Variants in SLC41A2 observed in about 807,000 individuals in gnomAD.
SLC41A2 encodes the protein solute carrier family 41 member 2.
In SLC41A2, 32 loss-of-function variants were observed where a neutral mutation model predicts 58.3. That is an observed-to-expected ratio of 0.55 (90% CI 0.41 to 0.74). SLC41A2 has a LOEUF of 0.74. SLC41A2 is among the 30% of genes least tolerant of loss of function. The pLI is 0.00. For missense variants in SLC41A2, 514 were observed against 680.6 expected (o/e 0.76, Z 2.72); for synonymous variants, 190 against 235.0 (o/e 0.81, Z 1.75).
intron 10 of SLC41A2, among the ~76,000 whole-genome samples, chr12:104,839,750 G>A (rs769031466): frequency 9.2e-5 from 14 of 152,096 alleles, no homozygotes; most frequent in African/African-American, 1.9e-4. Context: ...TGATCCACCC[G>A]CCTCAGCCTC....
chr12:104,805,088 A>G lies in SLC41A2; in HGVS notation c.*64T>C, dbSNP rs2040843522. On this transcript the variant is annotated 3_prime_UTR_variant, in exon 11 of 11. Transcript: ENST00000258538. ...ACTACTGATTTAAGAGTTTTGAAAA[A>G]GAGCCATAAGTGGTTGTCGTGTATT... 4.4e-6 allele frequency: 6 copies of G among 1,357,512 alleles called. No homozygotes were observed. In the Admixed American group the frequency reaches 1.2e-4, roughly 27 times the overall value. 84.1% of individuals were successfully genotyped at this position (1,357,512 alleles called of 1,614,324 possible).
intron 4 of SLC41A2, among the ~76,000 whole-genome samples, chr12:104,894,689 T>G (rs2045193698): frequency 6.6e-6 from 1 of 152,084 alleles, no homozygotes; most frequent in South Asian, 2.1e-4. Flanking sequence ...TTACTAGGGG[T>G]AGTCGCAGTC....
At chr12:104,914,656 A>G (rs543076301) in intron 2 of SLC41A2, among the ~76,000 whole-genome samples, 1 of 152,366 alleles carries the variant, frequency 6.6e-6, no homozygotes, top group African/African-American at 2.4e-5. Context: ...TGAGAAGAGT[A>G]TGAAGTAGTA....
intron 8 of SLC41A2, among the ~76,000 whole-genome samples, chr12:104,858,213 A>G (rs897615978): frequency 6.6e-6 from 1 of 152,218 alleles, no homozygotes; most frequent in Non-Finnish European, 1.5e-5. Flanking sequence ...AATAAATATT[A>G]AAAAATATCC....
chr12:104,889,225 C>T (rs1159673231), intron 4 of SLC41A2, 48 bp from the exon 5 acceptor site: 20 of 1,531,698 alleles, frequency 1.3e-5, no homozygotes, highest in Non-Finnish European at 1.6e-5. Flanking sequence ...TTTAAAAACA[C>T]ATTTAAACAT....
chr12:104,905,719 G>A (rs1593115299), intron 3 of SLC41A2, among the ~76,000 whole-genome samples: 1 of 152,240 alleles, frequency 6.6e-6, no homozygotes, highest in South Asian at 2.1e-4. Flanking sequence ...CAGCATTGCT[G>A]GGGGACTCAG....
At chr12:104,872,934 G>A (rs1422315520) in intron 6 of SLC41A2, among the ~76,000 whole-genome samples, 2 of 152,104 alleles carry the variant, frequency 1.3e-5, no homozygotes, top group African/African-American at 4.8e-5. Context: ...ACATATTACA[G>A]TTACATGGTT....
chr12:104,926,076 T>C (rs1017337113), intron 2 of SLC41A2, among the ~76,000 whole-genome samples: 5 of 152,200 alleles, frequency 3.3e-5, no homozygotes, highest in African/African-American at 1.2e-4. Flanking sequence ...GATAAAAATG[T>C]TACCTCTTGA....
chr12:104,836,419 C>T (rs1334815240), intron 10 of SLC41A2, among the ~76,000 whole-genome samples: 1 of 152,064 alleles, frequency 6.6e-6, no homozygotes, highest in African/African-American at 2.4e-5. Context: ...AAAAGTGGCT[C>T]CAGTTCCAAG....
chr12:104,886,204 G>T (rs1270772501), intron 6 of SLC41A2, 89 bp downstream of exon 6: 58 of 1,382,898 alleles, frequency 4.2e-5, no homozygotes, highest in African/African-American at 5.8e-5. Flanking sequence ...TGCAAATGAA[G>T]GCTACCATGG....
At chr12:104,845,788 T>TTA (rs1283857756) in intron 9 of SLC41A2, 55 bp downstream of exon 9, 1 of 1,529,148 alleles carries the variant, frequency 6.5e-7, no homozygotes, top group Non-Finnish European at 8.8e-7. Flanking sequence ...CTGCCTATAA[T>TTA]CTTAGAGAGC....
At chr12:104,898,441 T>C (rs1470556298) in intron 3 of SLC41A2, among the ~76,000 whole-genome samples, 1 of 151,338 alleles carries the variant, frequency 6.6e-6, no homozygotes, top group Non-Finnish European at 1.5e-5. Context: ...CCACTACAAT[T>C]AATACTAGAA....
In SLC41A2 at chr12:104,805,041, A is replaced by AGAT; in HGVS notation, c.*108_*110dup. On this transcript the variant is annotated 3_prime_UTR_variant, in exon 11 of 11. Transcript: ENST00000258538. The stretch of plus-strand genomic sequence containing the variant: ...ATTTAATTGAATCAGGGCCAACTGA[A>AGAT]GATTACCCTGGCAAAAGTCAAACTA... 1 of 949,828 alleles carries AGAT rather than the reference A, an allele frequency of 1.1e-6. No homozygotes were observed. The highest frequency in any genetic ancestry group is 1.5e-6 in the Non-Finnish European group (1 of 655,486). 58.8% of individuals were successfully genotyped at this position (949,828 alleles called of 1,614,324 possible).
intron 10 of SLC41A2, among the ~76,000 whole-genome samples, chr12:104,822,856 GT>G (rs2041691980): frequency 6.6e-6 from 1 of 151,960 alleles, no homozygotes; most frequent in African/African-American, 2.4e-5. Context: ...CATAAAAAAG[GT>G]TAAGAAAACA....
chr12:104,896,931 T>C (rs1253766440), intron 3 of SLC41A2, among the ~76,000 whole-genome samples: 1 of 152,166 alleles, frequency 6.6e-6, no homozygotes, highest in Non-Finnish European at 1.5e-5. Context: ...GACACGCAGG[T>C]GTCCAGACTT....
At chr12:104,857,985 G>T in intron 8 of SLC41A2, among the ~76,000 whole-genome samples, 1 of 151,982 alleles carries the variant, frequency 6.6e-6, no homozygotes, top group Non-Finnish European at 1.5e-5. Context: ...ATGTACCCTA[G>T]AACTTAAAGT....
At chr12:104,917,212 A>C (rs2046366498) in intron 2 of SLC41A2, among the ~76,000 whole-genome samples, 4 of 152,094 alleles carry the variant, frequency 2.6e-5, no homozygotes. Context: ...CAGCCAAAAA[A>C]CACGTGAAAA....
At chr12:104,900,737 GA>G (rs1315219618) in intron 3 of SLC41A2, among the ~76,000 whole-genome samples, 3 of 152,152 alleles carry the variant, frequency 2.0e-5, no homozygotes, top group Non-Finnish European at 4.4e-5. Flanking sequence ...AGAACATGGA[GA>G]ATTATGCCAA....
chr12:104,835,659 A>AT (rs2042184792), intron 10 of SLC41A2, among the ~76,000 whole-genome samples: 1 of 152,120 alleles, frequency 6.6e-6, no homozygotes, highest in Non-Finnish European at 1.5e-5. Flanking sequence ...ATGTGCTTGG[A>AT]ATGGATTCCT....
Sources: allele counts gnomAD v4.1 joint callset (sites outside exome capture counted in the v4.1 genomes callset), GRCh38; gene constraint gnomAD v4.1.1; transcripts MANE v1.5; gene names NCBI Gene and HGNC (gene_info 2026-07-23, HGNC 2026-07-21).